Variants in SGCZ observed in about 807,000 individuals in gnomAD.
The protein encoded by SGCZ is sarcoglycan zeta.
In SGCZ, 40 loss-of-function variants were observed where a neutral mutation model predicts 41.3. The ratio of observed to expected loss-of-function variants is 0.97; its 90% confidence interval spans 0.75 to 1.26. The LOEUF is 1.26. Among genes scored for constraint, SGCZ ranks in the 50% most tolerant of loss-of-function variants. SGCZ has a pLI of 0.00. For missense variants in SGCZ, 552 were observed against 369.8 expected, an observed-to-expected ratio of 1.49 and a Z score of -4.04; for synonymous variants, 206 against 137.5, an observed-to-expected ratio of 1.50 and a Z score of -3.49.
intron 1 of SGCZ, among the ~76,000 whole-genome samples, chr8:14,882,822 G>A (rs147190029): frequency 2.6e-5 from 4 of 152,052 alleles, no homozygotes; most frequent in Non-Finnish European, 4.4e-5. Context: ...GACCCTGTCG[G>A]CTCAGCATCA....
intron 4 of SGCZ, among the ~76,000 whole-genome samples, chr8:14,235,072 C>A (rs1806706989): frequency 6.6e-6 from 1 of 152,128 alleles, no homozygotes; most frequent in Admixed American, 6.5e-5. Flanking sequence ...ACTGACAACA[C>A]CATACTTCTT....
At position 14,674,699 on chromosome 8, in the gene SGCZ, C is replaced by T. The variant is rs578071905; in HGVS notation, c.40-119773G>A. ...GGTGGATTTCTCATAAACGGTTTAG[C>T]TCCATCCCCTTTGTATTGTCCTTGA... On this transcript the variant is annotated intron_variant, in intron 1 of 7. Transcript: ENST00000382080. Among the ~76,000 whole-genome samples, 5 of 152,000 alleles carry T rather than the reference C, an allele frequency of 3.3e-5. No homozygotes were observed. The East Asian group carries it at 9.7e-4, about 30-fold the overall frequency.
At chr8:14,379,992 G>A (rs376653864) in intron 2 of SGCZ, among the ~76,000 whole-genome samples, 3 of 152,130 alleles carry the variant, frequency 2.0e-5, no homozygotes, top group East Asian at 3.9e-4. Flanking sequence ...CTCGGCCTCC[G>A]AAGTGCTGGG....
intron 1 of SGCZ, among the ~76,000 whole-genome samples, chr8:14,835,079 ATAGT>A (rs1425653532): frequency 1.3e-5 from 2 of 152,200 alleles, no homozygotes; most frequent in African/African-American, 4.8e-5. Flanking sequence ...TTCCTGTGAA[ATAGT>A]TAGATTGCAA....
At chr8:14,869,159 C>A (rs531079503) in intron 1 of SGCZ, among the ~76,000 whole-genome samples, 1 of 152,286 alleles carries the variant, frequency 6.6e-6, no homozygotes, top group East Asian at 1.9e-4. Flanking sequence ...AGGCCAATAT[C>A]CCTGATGAAC....
At chr8:14,317,570 C>CTATA (rs1206594907) in intron 3 of SGCZ, among the ~76,000 whole-genome samples, 2 of 151,612 alleles carry the variant, frequency 1.3e-5, no homozygotes, top group Non-Finnish European at 2.9e-5. Flanking sequence ...AATTGAAAAT[C>CTATA]TATAAACTTA....
chr8:14,372,847 G>A (rs1371441382), intron 2 of SGCZ, among the ~76,000 whole-genome samples: 4 of 152,038 alleles, frequency 2.6e-5, no homozygotes, highest in Non-Finnish European at 5.9e-5. Flanking sequence ...GAGACGTGTT[G>A]TAGAGAAGCA....
At chr8:14,425,903 A>G (rs1483335169) in intron 2 of SGCZ, among the ~76,000 whole-genome samples, 1 of 152,190 alleles carries the variant, frequency 6.6e-6, no homozygotes, top group Admixed American at 6.5e-5. Flanking sequence ...AAGAAGGTTC[A>G]GGGAAGTAAA....
At chr8:14,464,116 T>A (rs1227443049) in intron 2 of SGCZ, among the ~76,000 whole-genome samples, 1 of 151,710 alleles carries the variant, frequency 6.6e-6, no homozygotes, top group Non-Finnish European at 1.5e-5. Flanking sequence ...GCTATCTGGG[T>A]AATGCTTACC....
intron 5 of SGCZ, among the ~76,000 whole-genome samples, chr8:14,116,865 G>T (rs1411724450): frequency 2.0e-5 from 3 of 152,042 alleles, no homozygotes; most frequent in Non-Finnish European, 4.4e-5. Context: ...AGTTTCTACA[G>T]CAAGAACACT....
chr8:14,761,584 T>C (rs999174914), intron 1 of SGCZ, among the ~76,000 whole-genome samples: 1 of 150,532 alleles, frequency 6.6e-6, no homozygotes, highest in Non-Finnish European at 1.5e-5. Context: ...CAGACTGGAG[T>C]GCAGCAGCGT....
At chr8:14,691,837 C>T (rs1214126971) in intron 1 of SGCZ, among the ~76,000 whole-genome samples, 2 of 151,798 alleles carry the variant, frequency 1.3e-5, no homozygotes, top group Non-Finnish European at 2.9e-5. Flanking sequence ...AAGAAAACAA[C>T]ACAAAAATGT....
intron 2 of SGCZ, among the ~76,000 whole-genome samples, chr8:14,382,597 T>A (rs1203860687): frequency 6.6e-6 from 1 of 152,030 alleles, no homozygotes; most frequent in East Asian, 1.9e-4. Flanking sequence ...ACACAATCAT[T>A]ATTGGGGACG....
chr8:14,094,013 C>G (rs572386248), intron 7 of SGCZ, among the ~76,000 whole-genome samples: 1 of 151,962 alleles, frequency 6.6e-6, no homozygotes, highest in Non-Finnish European at 1.5e-5. Context: ...TACATGATGC[C>G]TTTTCTTCAC....
intron 1 of SGCZ, among the ~76,000 whole-genome samples, chr8:15,206,996 A>C (rs1801089870): frequency 6.6e-6 from 1 of 152,194 alleles, no homozygotes; most frequent in Non-Finnish European, 1.5e-5. Flanking sequence ...GAAAGAGTAA[A>C]TGCAAGAGAT....
intron 1 of SGCZ, among the ~76,000 whole-genome samples, chr8:15,190,324 G>C (rs1800489910): frequency 7.1e-6 from 1 of 140,910 alleles, no homozygotes; most frequent in Non-Finnish European, 1.6e-5. Context: ...TGAAATGAAA[G>C]GATAATTCAT....
intron 1 of SGCZ, among the ~76,000 whole-genome samples, chr8:15,165,292 G>A (rs1348530051): frequency 3.3e-5 from 5 of 151,222 alleles, no homozygotes; most frequent in South Asian, 4.2e-4. Context: ...TGTCCTCCCC[G>A]CCCCCACCAA....
At chr8:15,065,081 C>T (rs949025723) in intron 1 of SGCZ, among the ~76,000 whole-genome samples, 9 of 152,068 alleles carry the variant, frequency 5.9e-5, no homozygotes, top group Non-Finnish European at 7.4e-5. Context: ...TCAGTCCTGC[C>T]AAATCTGGAT....
At chr8:14,143,646 T>A (rs1243097512) in intron 5 of SGCZ, among the ~76,000 whole-genome samples, 1 of 152,162 alleles carries the variant, frequency 6.6e-6, no homozygotes, top group Admixed American at 6.6e-5. Context: ...ACTATCTACA[T>A]AGAAAAATCA....
Sources: allele counts gnomAD v4.1 joint callset (sites outside exome capture counted in the v4.1 genomes callset), GRCh38; gene constraint gnomAD v4.1.1; transcripts MANE v1.5; gene names NCBI Gene and HGNC (gene_info 2026-07-23, HGNC 2026-07-21).